Variants in STK32C observed in about 807,000 individuals in gnomAD.
STK32C encodes the protein serine/threonine-protein kinase 32C.
In STK32C, 31 loss-of-function variants were observed where a neutral mutation model predicts 56.5. That is an observed-to-expected ratio of 0.55 (90% confidence interval 0.41 to 0.74). The LOEUF (loss-of-function observed/expected upper bound fraction) is 0.74. Ranked by LOEUF, STK32C falls within the 30% of genes least tolerant of loss-of-function variation. The probability of loss-of-function intolerance (pLI) is 0.00; values close to 1 mark genes in which losing one functional copy is unlikely to be tolerated. For synonymous variants in STK32C, 309 were observed against 289.4 expected (o/e 1.07, Z -0.69); for missense variants, 544 against 676.9 (o/e 0.80, Z 2.18).
At chr10:132,329,725 G>A (rs1301607914) in intron 1 of STK32C, among the ~76,000 whole-genome samples, 1 of 152,318 alleles carries the variant, frequency 6.6e-6, no homozygotes, top group Admixed American at 6.5e-5. Flanking sequence ...CCTTTTAGGA[G>A]ATCCAGAACA....
At position 132,255,763 on chromosome 10, in the gene STK32C, C is replaced by T. The variant is rs1273870540; in HGVS notation, c.263-9808G>A. ...GTGGGTGCCGGCCTCTGACCCTGGA[C>T]TCCTCAGTCCAGAGGGGGCCTGGAG... is the stretch of plus-strand genomic sequence containing the variant. On this transcript the variant is annotated intron_variant, in intron 1 of 11. Coordinates refer to ENST00000298630, the MANE Select transcript of STK32C (RefSeq NM_173575.4). This position sits in a 1 kb window ranked among gnomAD's most constrained non-coding sequence, Gnocchi z 4.6. Among the ~76,000 whole-genome samples the T allele has an allele frequency of 2.6e-5, 4 of 152,314 alleles. No homozygotes were observed. In the East Asian group the frequency reaches 7.7e-4, roughly 29 times the overall value.
At chr10:132,308,515 A>G (rs2138417127), upstream of STK32C, among the ~76,000 whole-genome samples, 1 of 147,610 alleles carries the variant, frequency 6.8e-6, no homozygotes, top group East Asian at 2.1e-4. Flanking sequence ...TCTGCCGGGC[A>G]GAGCCCGGCT....
rs377544275 is a variant in STK32C, at chr10:132,230,679, C to CGGGGG, written c.319-2556_319-2552dup. 6.8e-4 allele frequency among the ~76,000 whole-genome samples: 34 copies of CGGGGG among 49,644 alleles called. No homozygotes were observed. In the East Asian group the frequency reaches 8.6e-3, roughly 13 times the overall value. 32.6% of individuals were successfully genotyped at this position (49,644 alleles called of 152,430 possible). A position where few individuals can be genotyped will look rare whatever the true frequency, so the allele number is the denominator to read the frequency against. ...CTCTTGCTGCTGGGGGGGAAGCTGG[C>CGGGGG]GGGGGGGGGGGGGCTGCAGAGCCCA... On this transcript the variant is annotated intron_variant, in intron 2 of 11. Transcript: ENST00000298630.
chr10:132,273,415 G>A (rs1031242497), intron 1 of STK32C, among the ~76,000 whole-genome samples: 1 of 152,232 alleles, frequency 6.6e-6, no homozygotes. Flanking sequence ...AAGCCCTGTT[G>A]AGTGAATGAA....
chr10:132,224,930 C>T (rs2062829856), intron 7 of STK32C, among the ~76,000 whole-genome samples: 1 of 152,172 alleles, frequency 6.6e-6, no homozygotes, highest in Non-Finnish European at 1.5e-5. Flanking sequence ...CCAAAAGAAA[C>T]TTTTTGTGGA....
At chr10:132,283,803 C>T (rs1564776367) in intron 1 of STK32C, among the ~76,000 whole-genome samples, 1 of 152,214 alleles carries the variant, frequency 6.6e-6, no homozygotes, top group African/African-American at 2.4e-5. Context: ...TCCTCCGCCC[C>T]CATGGCTGGC....
In STK32C at chr10:132,245,900, C is replaced by T; in HGVS notation, c.318G>A (p.Lys106=). ...GTCCCCACCCCAGGCCCTGCCTTAC[C>T]TTGCCAAAGCTGCCCTTCCCAATGG... The part of the protein sequence containing the change: ...LRAIGKGSFG[K]VCIVQKRDTE... Residue 106 remains lysine, a splice_region_variant and synonymous_variant, in exon 2 of 12, where the codon AAG becomes AAA. Coordinates refer to ENST00000298630, the MANE Select transcript of STK32C (RefSeq NM_173575.4). 1 of 1,613,024 alleles carries T rather than the reference C, an allele frequency of 6.2e-7. No individual in the cohort carries two copies. Among genetic ancestry groups the T allele is most frequent in the Non-Finnish European group, 8.5e-7 (1 of 1,180,000 alleles).
chr10:132,275,392 ACCTGCCCTTGGAGGCAGCCAT>A, intron 1 of STK32C, among the ~76,000 whole-genome samples: 1 of 152,136 alleles, frequency 6.6e-6, no homozygotes, highest in East Asian at 1.9e-4. Flanking sequence ...AATCTGCCCC[ACCTGCCCTTGGAGGCAGCCAT>A]CCTGGCCTTG....
At chr10:132,242,877 T>C (rs7910210) in intron 2 of STK32C, among the ~76,000 whole-genome samples, 9,340 of 152,268 alleles carry the variant, frequency 0.061, 368 homozygotes, top group African/African-American at 0.11. Flanking sequence ...ACGTTTGGTT[T>C]GGGAAACCTG....
At chr10:132,295,532 T>C (rs2065713408) in intron 1 of STK32C, among the ~76,000 whole-genome samples, 1 of 151,978 alleles carries the variant, frequency 6.6e-6, no homozygotes, top group Admixed American at 6.6e-5. Context: ...CACCCATGAG[T>C]CTACAGTGAT....
chr10:132,297,350 G>A (rs763574767), intron 1 of STK32C, among the ~76,000 whole-genome samples: 15 of 152,100 alleles, frequency 9.9e-5, no homozygotes, highest in Non-Finnish European at 1.8e-4. Flanking sequence ...AAGATCCACC[G>A]AAGGGCCTGC....
intron 1 of STK32C, chr10:132,324,517 T>C: frequency 5.2e-6 from 3 of 576,144 alleles, no homozygotes; most frequent in Non-Finnish European, 9.4e-6. Flanking sequence ...CAGGGGCATT[T>C]TGAACATCTT....
intron 1 of STK32C, among the ~76,000 whole-genome samples, chr10:132,258,427 C>A (rs765319487): frequency 6.6e-6 from 1 of 152,260 alleles, no homozygotes; most frequent in Non-Finnish European, 1.5e-5. Flanking sequence ...TCACCCCCCA[C>A]GGGGCCCTTC....
At chr10:132,234,118 C>A (rs972029729) in intron 2 of STK32C, among the ~76,000 whole-genome samples, 1 of 152,206 alleles carries the variant, frequency 6.6e-6, no homozygotes, top group Non-Finnish European at 1.5e-5. Context: ...GACTCTCCCA[C>A]TTGGGGATAA....
At chr10:132,287,352 G>C (rs1034795740) in intron 1 of STK32C, among the ~76,000 whole-genome samples, 1 of 151,666 alleles carries the variant, frequency 6.6e-6, no homozygotes, top group Admixed American at 6.6e-5. Context: ...TTAGCTGAGC[G>C]TGGTGGTGTG....
intron 1 of STK32C, among the ~76,000 whole-genome samples, chr10:132,305,873 G>A (rs2066043682): frequency 1.3e-5 from 2 of 152,294 alleles, no homozygotes; most frequent in Admixed American, 6.5e-5. Context: ...GAGTCCCGGC[G>A]GGTGCTCAGT....
rs1565091831 is a variant in STK32C, at chr10:132,235,493, T to TCAA, written c.319-7366_319-7365insTTG. On this transcript the variant is annotated intron_variant, in intron 2 of 11. Coordinates refer to ENST00000298630, the MANE Select transcript of STK32C (RefSeq NM_173575.4). Reference sequence around the variant, plus strand: ...CCTGGCAACAGAGCAAGACTCAGCCTTAAAAAAAAAAAAAAAAAAAAGGAA... The same window carrying TCAA: ...CCTGGCAACAGAGCAAGACTCAGCCTCAATAAAAAAAAAAAAAAAAAAAAGGAA... Among the ~76,000 whole-genome samples the TCAA allele has an allele frequency of 6.9e-5, 5 of 72,408 alleles. 1 individual carries two copies. Among genetic ancestry groups the TCAA allele is most frequent in the Admixed American group, 2.1e-4 (1 of 4,708 alleles). The allele number at this position is 72,408 out of a possible 152,430, so 47.5% of individuals were successfully genotyped here.
chr10:132,232,114 T>C (rs1240022568), intron 2 of STK32C, among the ~76,000 whole-genome samples: 1 of 152,330 alleles, frequency 6.6e-6, no homozygotes, highest in East Asian at 1.9e-4. Context: ...GCGCTCACGC[T>C]GCGCCCTCAC....
chr10:132,242,172 C>T (rs565350191), intron 2 of STK32C, among the ~76,000 whole-genome samples: 14 of 151,740 alleles, frequency 9.2e-5, no homozygotes, highest in Non-Finnish European at 1.6e-4. Flanking sequence ...TTGCCCTGAT[C>T]GTGAATGAGG....
Sources: gnomAD v4.1 joint callset for allele counts (sites outside exome capture counted in the v4.1 genomes callset) on GRCh38, gnomAD v4.1.1 for gene constraint, Gnocchi (gnomAD v3.1) non-coding constraint, MANE v1.5 for transcripts, NCBI Gene and HGNC (gene_info 2026-07-23, HGNC 2026-07-21) for gene names.